DMD: variants seen among roughly 807,000 people sequenced by gnomAD.
The protein encoded by DMD is dystrophin, also known as mutant dystrophin.
A neutral mutation model predicts 330.1 loss-of-function variants in DMD; 63 were observed. The observed-to-expected ratio is 0.19, with a 90% CI of 0.16 to 0.24. The LOEUF is 0.24. Ranked by LOEUF, DMD falls within the 10% of genes least tolerant of loss-of-function variation. DMD has a pLI of 1.00. For missense variants in DMD, 3,344 were observed against 2,684.1 expected, an observed-to-expected ratio of 1.25 and a Z score of -5.43; for synonymous variants, 1,223 against 959.8, an observed-to-expected ratio of 1.27 and a Z score of -5.07.
At chrX:31,357,266 T>C (rs1435092219) in intron 60 of DMD, among the ~76,000 whole-genome samples, 2 of 110,653 alleles carry the variant, frequency 1.8e-5, no homozygotes, top group African/African-American at 3.3e-5. Context: ...AATGTTCACA[T>C]GGTAATTACA....
Position 31,232,068 on chromosome X carries a change from G to A in DMD, c.9287-8947C>T, listed in dbSNP as rs770137100. On this transcript the variant is annotated intron_variant, in intron 63 of 78. Transcript: ENST00000357033. ...CAGGTAAGAACACAGCAGCGTAATA[G>A]GTCAGCACATGTTAAAAAAAAAAAA... Among the ~76,000 whole-genome samples, 3 of 76,029 alleles carry A rather than the reference G, an allele frequency of 3.9e-5. No homozygotes were observed. The South Asian group carries it at 2.9e-3, about 74-fold the overall frequency. The allele number at this position is 76,029 out of a possible 115,157, so 66.0% of individuals were successfully genotyped here. A position where few individuals can be genotyped will look rare whatever the true frequency, so the allele number is the denominator to read the frequency against.
chrX:32,253,889 T>C (rs1016156315), intron 43 of DMD, among the ~76,000 whole-genome samples: 4 of 111,626 alleles, frequency 3.6e-5, no homozygotes, highest in Non-Finnish European at 7.5e-5. Flanking sequence ...CCCAAAGTGC[T>C]GCGATTACAG....
chrX:32,353,193 T>C (rs2097787551), intron 37 of DMD, among the ~76,000 whole-genome samples: 1 of 111,092 alleles, frequency 9.0e-6, no homozygotes, highest in African/African-American at 3.3e-5. Context: ...ATGAAAAAAA[T>C]TCATTGCTTT....
intron 41 of DMD, among the ~76,000 whole-genome samples, chrX:32,312,375 T>C (rs1177422449): frequency 2.7e-5 from 3 of 111,488 alleles, no homozygotes; most frequent in Admixed American, 9.6e-5. Flanking sequence ...TCAGTCTTCA[T>C]TACTTTCATT....
At chrX:31,267,006 C>T in intron 62 of DMD, 1 of 715,212 alleles carries the variant, frequency 1.4e-6, no homozygotes, top group Non-Finnish European at 1.9e-6. Flanking sequence ...GCAGACGGGG[C>T]GGGGCCGTGT....
rs867393221 is a variant in DMD, at chrX:33,114,112, A to T, written c.32-93912T>A. Among the ~76,000 whole-genome samples, 986 of 99,076 alleles carry T rather than the reference A, an allele frequency of 1.0e-2. 6 individuals are homozygous for T. The highest frequency in any genetic ancestry group is 0.015 in the Non-Finnish European group (713 of 48,789). The allele number at this position is 99,076 out of a possible 115,157, so 86.0% of individuals were successfully genotyped here. On this transcript the variant is annotated intron_variant, in intron 1 of 78. Transcript: ENST00000357033. ...TCGAATATATGGCAATATTATTATT[A>T]TTTTTTTTTTTTTTTGAGACAGAAT...
intron 63 of DMD, among the ~76,000 whole-genome samples, chrX:31,227,693 T>G (rs939629955): frequency 1.8e-5 from 2 of 111,079 alleles, no homozygotes; most frequent in African/African-American, 6.6e-5. Flanking sequence ...CCTTGGGCAG[T>G]ATGACCATTT....
At chrX:32,452,395 G>GAAAGGGAAAGGGA (rs1418429128) in intron 26 of DMD, among the ~76,000 whole-genome samples, 2 of 10,574 alleles carry the variant, frequency 1.9e-4, no homozygotes, top group Non-Finnish European at 1.8e-4. Context: ...AAGGGAAAGG[G>GAAAGGGAAAGGGA]AAGGGAAAGG....
chrX:31,564,671 T>C (rs966008291), intron 55 of DMD, among the ~76,000 whole-genome samples: 4 of 112,520 alleles, frequency 3.6e-5, no homozygotes, highest in Non-Finnish European at 5.6e-5. Flanking sequence ...CTTTTTACTA[T>C]CTTAATTAAA....
chrX:31,280,105 C>T (rs147652270), intron 62 of DMD, among the ~76,000 whole-genome samples: 5,468 of 111,603 alleles, frequency 0.049, 130 homozygotes, highest in African/African-American at 0.08. Context: ...TCAGTTAGCA[C>T]CTAGTCAATT....
chrX:32,800,761 G>C (rs548534744), intron 7 of DMD, among the ~76,000 whole-genome samples: 21 of 110,089 alleles, frequency 1.9e-4, no homozygotes, highest in Middle Eastern at 9.4e-3. Context: ...CATGTCTTCT[G>C]GTTGTTCAAC....
At chrX:31,297,686 C>A (rs1022479132) in intron 62 of DMD, among the ~76,000 whole-genome samples, 1 of 112,299 alleles carries the variant, frequency 8.9e-6, no homozygotes, top group East Asian at 2.8e-4. Flanking sequence ...AATACAGACA[C>A]CTGCTTGGCT....
rs56332488 is a variant in DMD at position 33,219,306 on chromosome X, T to TTGTGTGTGTGTGTG, written c.7+119939_7+119952dup. Among the ~76,000 whole-genome samples, 132 of 72,984 alleles carry TTGTGTGTGTGTGTG rather than the reference T, an allele frequency of 1.8e-3. 1 individual carries two copies. Among genetic ancestry groups the TTGTGTGTGTGTGTG allele is most frequent in the Non-Finnish European group, 3.1e-3 (110 of 35,995 alleles). The allele number at this position is 72,984 out of a possible 115,157, so 63.4% of individuals were successfully genotyped here. On this transcript the variant is annotated intron_variant, in intron 1 of 17. Transcript: ENST00000288447. ...TCTATGGTTGATACTTTAGAGATTATTGTGTGTGTGTGTGTGTGTGTGTGT... is the reference window on the plus strand; with the variant it reads ...TCTATGGTTGATACTTTAGAGATTATTGTGTGTGTGTGTGTGTGTGTGTGTGTGTGTGTGTGTGT...
At chrX:31,409,655 A>G (rs185799459) in intron 60 of DMD, among the ~76,000 whole-genome samples, 203 of 112,401 alleles carry the variant, frequency 1.8e-3, no homozygotes, top group African/African-American at 6.2e-3. Flanking sequence ...AGTCTTCTAC[A>G]TAGGAACAAA....
chrX:32,678,789 G>A (rs1443192822), intron 9 of DMD, among the ~76,000 whole-genome samples: 1 of 111,502 alleles, frequency 9.0e-6, no homozygotes, highest in Non-Finnish European at 1.9e-5. Flanking sequence ...ATAAACTTAC[G>A]CACGTTGTCA....
At chrX:33,312,412 T>C (rs946074477) in intron 1 of DMD, among the ~76,000 whole-genome samples, 1 of 111,462 alleles carries the variant, frequency 9.0e-6, no homozygotes, top group African/African-American at 3.3e-5. Context: ...GACAACTGTA[T>C]ATAGTTGGGA....
rs398123956 is a variant in DMD at position 32,389,598 on chromosome X, C to G, written c.4421G>C (p.Ser1474Thr). The change falls in exon 32 of 79, where the codon AGT becomes ACT. Residue 1474 changes from serine to threonine, a missense_variant. Ser to Thr is a moderately conservative substitution (Grantham distance 58). Transcript: ENST00000357033. ...PANFEQRLQE[S>T]KMILDEVKMH... is the part of the protein sequence containing the mutation. The stretch of plus-strand genomic sequence containing the variant: ...CTTCACTTCATCTAAAATCATCTTA[C>G]TTTCTTGTAGACGCTGCTCAAAATT... 7 of 1,210,849 alleles carry G rather than the reference C, an allele frequency of 5.8e-6. No homozygotes were observed. In the Admixed American group the frequency reaches 1.5e-4, roughly 26 times the overall value.
At chrX:31,327,296 C>T (rs1465434806) in intron 61 of DMD, among the ~76,000 whole-genome samples, 3 of 112,243 alleles carry the variant, frequency 2.7e-5, no homozygotes, top group Non-Finnish European at 5.6e-5. Flanking sequence ...GAAAGGGTAG[C>T]AATTCTATCT....
chrX:32,928,295 A>G (rs1357228767), intron 2 of DMD, among the ~76,000 whole-genome samples: 1 of 109,940 alleles, frequency 9.1e-6, no homozygotes, highest in South Asian at 3.9e-4. Flanking sequence ...TTCCAGCTAC[A>G]TAAGTTGAGA....
Sources: gnomAD v4.1 joint callset for allele counts (sites outside exome capture counted in the v4.1 genomes callset) on GRCh38, gnomAD v4.1.1 for gene constraint, MANE v1.5 for transcripts, NCBI Gene and HGNC (gene_info 2026-07-23, HGNC 2026-07-21) for gene names.